DLGAP2: variants seen among roughly 807,000 people sequenced by gnomAD.
DLGAP2 encodes disks large-associated protein 2.
Under a neutral mutation model 100.3 loss-of-function variants are expected in DLGAP2, and 26 were observed. The ratio of observed to expected loss-of-function variants is 0.26; its 90% CI spans 0.19 to 0.36. DLGAP2 has a LOEUF of 0.36. DLGAP2 is among the 10% of genes least tolerant of loss of function. The pLI is 1.00. For synonymous variants in DLGAP2, 886 were observed against 630.1 expected, an observed-to-expected ratio of 1.41 and a Z score of -6.08; for missense variants, 1,858 against 1,453.2, an observed-to-expected ratio of 1.28 and a Z score of -4.53.
At chr8:1,068,165 T>C (rs1803314718) in intron 2 of DLGAP2, among the ~76,000 whole-genome samples, 1 of 152,212 alleles carries the variant, frequency 6.6e-6, no homozygotes, top group Non-Finnish European at 1.5e-5. Flanking sequence ...GTGAGTGCTA[T>C]TCCACTGTCT....
chr8:1,257,042 C>T (rs1268061811), intron 2 of DLGAP2, among the ~76,000 whole-genome samples: 1 of 152,140 alleles, frequency 6.6e-6, no homozygotes, highest in Non-Finnish European at 1.5e-5. Context: ...CCGACGTCTT[C>T]TCTCCCGTCC....
At chr8:1,372,645 G>T (rs991690226) in intron 3 of DLGAP2, among the ~76,000 whole-genome samples, 8 of 152,224 alleles carry the variant, frequency 5.3e-5, no homozygotes, top group African/African-American at 1.7e-4. Flanking sequence ...CCTGTCTGAT[G>T]ATTCAAAGCC....
chr8:1,370,239 A>G (rs1802205219), intron 3 of DLGAP2, among the ~76,000 whole-genome samples: 2 of 152,060 alleles, frequency 1.3e-5, no homozygotes, highest in Non-Finnish European at 2.9e-5. Context: ...TAGAAAATGG[A>G]GGTGATGTCC....
At chr8:1,132,429 G>A (rs1796312906) in intron 2 of DLGAP2, among the ~76,000 whole-genome samples, 1 of 152,154 alleles carries the variant, frequency 6.6e-6, no homozygotes, top group Admixed American at 6.5e-5. Flanking sequence ...TTTCCTGGGT[G>A]GTTAAAAGAG....
intron 4 of DLGAP2, among the ~76,000 whole-genome samples, chr8:1,528,788 G>C (rs371559965): frequency 2.6e-5 from 4 of 152,298 alleles, no homozygotes; most frequent in Admixed American, 2.0e-4. Context: ...ACACAGGAAA[G>C]GAATGTCCTG....
At chr8:903,081 G>A (rs919231816) in intron 1 of DLGAP2, among the ~76,000 whole-genome samples, 1 of 151,652 alleles carries the variant, frequency 6.6e-6, no homozygotes, top group Non-Finnish European at 1.5e-5. Flanking sequence ...GTGTTGTGGC[G>A]CAGCAGGCAA....
At chr8:901,334 T>G (rs1798246821) in intron 1 of DLGAP2, among the ~76,000 whole-genome samples, 1 of 152,220 alleles carries the variant, frequency 6.6e-6, no homozygotes, top group Non-Finnish European at 1.5e-5. Context: ...AATGCAGTCC[T>G]CCACTGCACA....
intron 1 of DLGAP2, among the ~76,000 whole-genome samples, chr8:837,866 A>C (rs1196842711): frequency 2.0e-5 from 3 of 147,748 alleles, no homozygotes; most frequent in Non-Finnish European, 4.5e-5. Flanking sequence ...ACAGGCATGC[A>C]TCACCACGCC....
At chr8:1,041,511 AAGTGTTCTCTGAGCCCCTTGCCGTGGGTG>A in intron 2 of DLGAP2, among the ~76,000 whole-genome samples, 1 of 151,800 alleles carries the variant, frequency 6.6e-6, no homozygotes, top group Non-Finnish European at 1.5e-5. Flanking sequence ...TTTCTGAGAA[AAGTGTTCTCTGAGCCCCTTGCCGTGGGTG>A]AGTGTTCTCC....
intron 3 of DLGAP2, among the ~76,000 whole-genome samples, chr8:1,335,915 C>G (rs13263923): frequency 6.6e-6 from 1 of 151,494 alleles, no homozygotes; most frequent in Non-Finnish European, 1.5e-5. Flanking sequence ...CATCAGGACC[C>G]TAGAGCCGGG....
chr8:1,141,526 A>G (rs957772584), intron 2 of DLGAP2, among the ~76,000 whole-genome samples: 1 of 152,196 alleles, frequency 6.6e-6, no homozygotes, highest in Non-Finnish European at 1.5e-5. Context: ...TTGTGGTCAA[A>G]TAGGATCTTT....
intron 2 of DLGAP2, among the ~76,000 whole-genome samples, chr8:1,069,140 G>C (rs922028419): frequency 6.6e-6 from 1 of 152,236 alleles, no homozygotes; most frequent in Non-Finnish European, 1.5e-5. Context: ...CTGGAAGAGT[G>C]ATACGGACTC....
At chr8:1,689,399 C>T (rs970664652) in intron 12 of DLGAP2, among the ~76,000 whole-genome samples, 2 of 152,098 alleles carry the variant, frequency 1.3e-5, no homozygotes, top group African/African-American at 2.4e-5. Flanking sequence ...TTGTGAAGTA[C>T]GTAAAGCCAC....
In DLGAP2 at chr8:1,537,382, T is replaced by C. The variant is rs1801188695; in HGVS notation, c.173-11244T>C. Among the ~76,000 whole-genome samples the C allele has an allele frequency of 2.0e-5, 3 of 151,738 alleles. No homozygotes were observed. In the South Asian group the frequency reaches 6.2e-4, roughly 32 times the overall value. On this transcript the variant is annotated intron_variant, in intron 4 of 14. Transcript: ENST00000637795. Reference sequence around the variant, plus strand: ...AGGAAAATGGGGAGGCCATGACAGTTTTTATGTCATTAAAATGATTACCTA... The same window carrying C: ...AGGAAAATGGGGAGGCCATGACAGTCTTTATGTCATTAAAATGATTACCTA...
intron 2 of DLGAP2, among the ~76,000 whole-genome samples, chr8:1,181,298 G>T (rs527905705): frequency 3.3e-5 from 5 of 152,256 alleles, no homozygotes; most frequent in Non-Finnish European, 5.9e-5. Flanking sequence ...TACACTTAAC[G>T]TGTTTCGTGG....
chr8:1,633,453 A>G (rs1797699140), intron 8 of DLGAP2, among the ~76,000 whole-genome samples: 1 of 152,184 alleles, frequency 6.6e-6, no homozygotes, highest in African/African-American at 2.4e-5. Flanking sequence ...TCTCTTGCTC[A>G]GTAAGCAGAT....
intron 1 of DLGAP2, among the ~76,000 whole-genome samples, chr8:858,483 G>A (rs182886012): frequency 2.6e-5 from 4 of 152,356 alleles, no homozygotes; most frequent in Non-Finnish European, 4.4e-5. Flanking sequence ...GCGCCTCTGT[G>A]TGATGCTGTC....
At chr8:962,917 G>T (rs886996098) in intron 2 of DLGAP2, among the ~76,000 whole-genome samples, 3 of 152,224 alleles carry the variant, frequency 2.0e-5, no homozygotes, top group African/African-American at 7.2e-5. Context: ...CCTCCATGCT[G>T]AGGTACCGAC....
intron 1 of DLGAP2, among the ~76,000 whole-genome samples, chr8:820,923 G>A (rs1796572236): frequency 6.6e-6 from 1 of 152,154 alleles, no homozygotes; most frequent in Admixed American, 6.5e-5. Flanking sequence ...AATAGGAAGT[G>A]GATAAGTCTT....
Sources: gnomAD v4.1 joint callset for allele counts (sites outside exome capture counted in the v4.1 genomes callset) on GRCh38, gnomAD v4.1.1 for gene constraint, MANE v1.5 for transcripts, NCBI Gene and HGNC (gene_info 2026-07-23, HGNC 2026-07-21) for gene names.